Variants in ADGRV1 observed in about 807,000 individuals in gnomAD.
ADGRV1 encodes G-protein coupled receptor 98.
In ADGRV1, 359 loss-of-function variants were observed where a neutral mutation model predicts 596.2. That is an observed-to-expected ratio of 0.60 (90% CI 0.55 to 0.66). The LOEUF (loss-of-function observed/expected upper bound fraction) is 0.66, where lower values mean the gene tolerates loss of function less well. Ranked by LOEUF, ADGRV1 falls within the 30% of genes least tolerant of loss-of-function variation. ADGRV1 has a pLI of 0.00. For missense variants in ADGRV1, 7,274 were observed against 7,575.6 expected, an observed-to-expected ratio of 0.96 and a Z score of 1.48; for synonymous variants, 2,681 against 2,679.2, an observed-to-expected ratio of 1.00 and a Z score of -0.02.
At position 90,591,930 on chromosome 5, in the gene ADGRV1, G is replaced by A. The variant is rs188162937; in HGVS notation, c.23-22905G>A. Among the ~76,000 whole-genome samples, 343 of 152,334 alleles carry A rather than the reference G, an allele frequency of 2.3e-3. 2 individuals are homozygous for A. Among genetic ancestry groups the A allele is most frequent in the African/African-American group, 7.2e-3 (301 of 41,582 alleles). ...TTCACATTTTCAGATGAGAAAACAG[G>A]TTTAGAGACACAACTGAGATTTAGA... On this transcript the variant is annotated intron_variant, in intron 1 of 89. Transcript: ENST00000405460.
intron 1 of ADGRV1, among the ~76,000 whole-genome samples, chr5:90,580,595 T>C (rs1271437456): frequency 3.3e-5 from 5 of 152,232 alleles, no homozygotes; most frequent in African/African-American, 1.2e-4. Context: ...TTTAAGAATG[T>C]TGAATATTGG....
chr5:90,621,325 A>G (rs1764037692), intron 4 of ADGRV1, among the ~76,000 whole-genome samples: 1 of 152,238 alleles, frequency 6.6e-6, no homozygotes, highest in Admixed American at 6.5e-5. Context: ...GAAGTGGGCT[A>G]TAAGTAAATA....
In ADGRV1 at chr5:90,698,918, T is replaced by C. The variant is rs16869000; in HGVS notation, c.8155+1772T>C. On this transcript the variant is annotated intron_variant, in intron 34 of 89. Transcript: ENST00000405460. ...GTAATCAGTGTGTCTCATACTAACA[T>C]GGCCAAAAAGGGGAGTTAGATCTCA... Among the ~76,000 whole-genome samples the C allele has an allele frequency of 1.2e-3, 178 of 152,198 alleles. 1 individual carries two copies. The highest frequency in any genetic ancestry group is 4.1e-3 in the African/African-American group (170 of 41,538).
At chr5:90,970,806 C>G (rs556981138) in intron 84 of ADGRV1, among the ~76,000 whole-genome samples, 1 of 152,146 alleles carries the variant, frequency 6.6e-6, no homozygotes, top group Non-Finnish European at 1.5e-5. Flanking sequence ...ACCTCTCCCC[C>G]TCCAAAGGAG....
At chr5:91,057,353 G>A (rs776343739) in intron 85 of ADGRV1, among the ~76,000 whole-genome samples, 5 of 152,154 alleles carry the variant, frequency 3.3e-5, no homozygotes, top group Non-Finnish European at 5.9e-5. Context: ...ATATTAGCTG[G>A]CCCAGCTCCA....
At chr5:91,002,043 C>T (rs1781896006) in intron 85 of ADGRV1, among the ~76,000 whole-genome samples, 1 of 151,990 alleles carries the variant, frequency 6.6e-6, no homozygotes, top group Admixed American at 6.5e-5. Context: ...TGATATTTTT[C>T]CATTTAGTTA....
chr5:91,105,810 T>G (rs569020077), intron 87 of ADGRV1, among the ~76,000 whole-genome samples: 35 of 152,166 alleles, frequency 2.3e-4, no homozygotes, highest in African/African-American at 8.2e-4. Context: ...GGCTTTTTAG[T>G]TTGACATAAT....
chr5:90,674,035 T>C lies in ADGRV1; in HGVS notation c.4930-19T>C. 3 of 1,576,884 alleles carry C rather than the reference T, an allele frequency of 1.9e-6. No homozygotes were observed. Among genetic ancestry groups the C allele is most frequent in the South Asian group, 1.1e-5 (1 of 87,808 alleles). ...TAAATGCCTCATTGCTTAGTGCCTC[T>C]GGATATTTATATTTTTAGGTTCTGA... On this transcript the variant is annotated intron_variant, in intron 22 of 89. Transcript: ENST00000405460.
chr5:91,034,779 A>C (rs1371031975), intron 85 of ADGRV1, among the ~76,000 whole-genome samples: 1 of 152,188 alleles, frequency 6.6e-6, no homozygotes, highest in Non-Finnish European at 1.5e-5. Flanking sequence ...ACAAAACAGC[A>C]TAATGGGTGT....
At chr5:91,147,840 C>A (rs1219763520) in intron 87 of ADGRV1, among the ~76,000 whole-genome samples, 3 of 152,074 alleles carry the variant, frequency 2.0e-5, no homozygotes, top group Admixed American at 2.0e-4. Flanking sequence ...CAGAAGAAGA[C>A]AGGAAAATGT....
intron 87 of ADGRV1, among the ~76,000 whole-genome samples, chr5:91,104,007 G>C (rs1040229654): frequency 3.3e-5 from 5 of 152,166 alleles, no homozygotes; most frequent in Admixed American, 2.6e-4. Context: ...TCCATGCTTG[G>C]GATGCTGAGC....
intron 43 of ADGRV1, among the ~76,000 whole-genome samples, chr5:90,719,147 T>C (rs1052064368): frequency 6.6e-6 from 1 of 151,982 alleles, no homozygotes; most frequent in Admixed American, 6.6e-5. Flanking sequence ...CTGGCCAACA[T>C]AGTGAAACCC....
At chr5:90,585,803 A>G (rs1232053857) in intron 1 of ADGRV1, among the ~76,000 whole-genome samples, 2 of 152,222 alleles carry the variant, frequency 1.3e-5, no homozygotes, top group African/African-American at 4.8e-5. Flanking sequence ...CACTACAATG[A>G]TTCAGCCAAG....
chr5:90,892,938 CA>C (rs1770959001), intron 83 of ADGRV1, among the ~76,000 whole-genome samples: 2 of 152,262 alleles, frequency 1.3e-5, no homozygotes, highest in South Asian at 4.1e-4. Context: ...GATGGAGTAA[CA>C]GGGGTAGATG....
intron 75 of ADGRV1, among the ~76,000 whole-genome samples, chr5:90,821,098 G>A (rs1027354581): frequency 1.3e-5 from 2 of 152,044 alleles, no homozygotes; most frequent in African/African-American, 4.8e-5. Context: ...CATATTTCTT[G>A]GAGGCTTTGC....
intron 1 of ADGRV1, among the ~76,000 whole-genome samples, chr5:90,596,101 A>C (rs1215026501): frequency 5.9e-3 from 535 of 90,238 alleles, no homozygotes; most frequent in Middle Eastern, 0.019. Flanking sequence ...ACGCTCCTCA[A>C]CTCCCAGATG....
intron 85 of ADGRV1, among the ~76,000 whole-genome samples, chr5:91,034,342 C>T (rs1467216736): frequency 6.6e-6 from 1 of 152,056 alleles, no homozygotes; most frequent in African/African-American, 2.4e-5. Context: ...GAAAAATCTG[C>T]CTCACTGGTT....
At chr5:91,026,598 G>A (rs1434919198) in intron 85 of ADGRV1, among the ~76,000 whole-genome samples, 15 of 152,030 alleles carry the variant, frequency 9.9e-5, no homozygotes, top group Admixed American at 9.8e-4. Flanking sequence ...AGCTCTTAGG[G>A]AGGCTTCATG....
chr5:90,977,576 G>C (rs928041995), intron 84 of ADGRV1, among the ~76,000 whole-genome samples: 1 of 152,088 alleles, frequency 6.6e-6, no homozygotes, highest in South Asian at 2.1e-4. Context: ...ATGAATAAGC[G>C]AATGAATGTG....
Sources: gnomAD v4.1 joint callset for allele counts (sites outside exome capture counted in the v4.1 genomes callset) on GRCh38, gnomAD v4.1.1 for gene constraint, MANE v1.5 for transcripts, NCBI Gene and HGNC (gene_info 2026-07-23, HGNC 2026-07-21) for gene names.